The following FARS2 variants were observed in gnomAD, a reference collection of about 807,000 sequenced individuals.
FARS2 encodes the protein phenylalanine--tRNA ligase, mitochondrial.
FARS2 carries 40 observed loss-of-function variants against 46.4 expected under a neutral mutation model. That is an observed-to-expected ratio of 0.86 (90% CI 0.67 to 1.12). The LOEUF is 1.12. FARS2 is among the 50% of genes most tolerant of loss of function. The probability of loss-of-function intolerance (pLI) is 0.00; values close to 1 mark genes in which losing one functional copy is unlikely to be tolerated. For missense variants in FARS2, 513 were observed against 567.9 expected (o/e 0.90, Z 0.98); for synonymous variants, 234 against 214.9 (o/e 1.09, Z -0.78).
chr6:5,486,181 C>T (rs534728888), intron 4 of FARS2, among the ~76,000 whole-genome samples: 2 of 152,258 alleles, frequency 1.3e-5, no homozygotes, highest in Non-Finnish European at 2.9e-5. Context: ...GAAACAGATG[C>T]ATTTCTGTTA....
intron 1 of FARS2, among the ~76,000 whole-genome samples, chr6:5,300,777 C>T (rs1423546871): frequency 1.3e-5 from 2 of 151,922 alleles, no homozygotes; most frequent in Non-Finnish European, 2.9e-5. Flanking sequence ...CTCAAGCTAC[C>T]CTTCTGCCTC....
At chr6:5,753,492 A>G (rs960199068) in intron 6 of FARS2, among the ~76,000 whole-genome samples, 10 of 152,208 alleles carry the variant, frequency 6.6e-5, no homozygotes, top group African/African-American at 2.4e-4. Flanking sequence ...CCTGGAGGCT[A>G]AAGTGAATGA....
intron 6 of FARS2, among the ~76,000 whole-genome samples, chr6:5,678,882 A>C (rs1778892529): frequency 6.6e-6 from 1 of 152,234 alleles, no homozygotes; most frequent in Admixed American, 6.5e-5. Context: ...AACTTCTCTG[A>C]AAGTTCTACC....
chr6:5,494,842 A>G (rs1403994499), intron 4 of FARS2, among the ~76,000 whole-genome samples: 1 of 152,178 alleles, frequency 6.6e-6, no homozygotes, highest in African/African-American at 2.4e-5. Flanking sequence ...AGGTGTCCTA[A>G]TGGTCTAAAA....
chr6:5,527,971 G>A (rs1315679661), intron 4 of FARS2, among the ~76,000 whole-genome samples: 1 of 152,178 alleles, frequency 6.6e-6, no homozygotes, highest in East Asian at 1.9e-4. Context: ...GGGAGATGTA[G>A]GAGGTGGTAT....
rs1405389231 is a variant in FARS2 at position 5,545,236 on chromosome 6, A to G, written c.961A>G (p.Met321Val). 15 of 1,614,078 alleles carry G rather than the reference A, an allele frequency of 9.3e-6. No individual in the cohort carries two copies. The highest frequency in any genetic ancestry group is 1.3e-5 in the Non-Finnish European group (15 of 1,179,930). ...AFGLGLERLA[M>V]ILYDIPDIRL... ...TGGCCTAGGATTAGAAAGGCTAGCC[A>G]TGATCCTCTACGACATCCCTGATAT... Residue 321 changes from methionine (M) to valine (V), a missense_variant, in exon 5 of 7, where the codon ATG (methionine) becomes GTG (valine). Transcript: ENST00000274680.
chr6:5,657,963 A>T (rs1159593401), intron 6 of FARS2, among the ~76,000 whole-genome samples: 2 of 152,248 alleles, frequency 1.3e-5, no homozygotes, highest in Non-Finnish European at 2.9e-5. Context: ...TGCCTTCCTC[A>T]TAATTGTTGT....
At chr6:5,263,358 A>G in intron 1 of FARS2, among the ~76,000 whole-genome samples, 1 of 152,186 alleles carries the variant, frequency 6.6e-6, no homozygotes, top group Non-Finnish European at 1.5e-5. Context: ...GGAAAGTGAT[A>G]GGCTTCCCAG....
chr6:5,389,958 G>A (rs1375286553), intron 2 of FARS2, among the ~76,000 whole-genome samples: 1 of 152,090 alleles, frequency 6.6e-6, no homozygotes, highest in Non-Finnish European at 1.5e-5. Flanking sequence ...TCTGCCTCCT[G>A]GGTTCAAGCA....
intron 1 of FARS2, among the ~76,000 whole-genome samples, chr6:5,333,598 G>T (rs866083064): frequency 6.6e-6 from 1 of 152,130 alleles, no homozygotes. Context: ...CTACCTTGCC[G>T]GACACTGAGG....
intron 3 of FARS2, among the ~76,000 whole-genome samples, chr6:5,424,051 G>A (rs141963104): frequency 6.6e-6 from 1 of 152,152 alleles, no homozygotes. Flanking sequence ...AACAGCAAGG[G>A]CAAGGAAGGC....
chr6:5,400,438 T>A (rs1214462304), intron 2 of FARS2, among the ~76,000 whole-genome samples: 1 of 151,960 alleles, frequency 6.6e-6, no homozygotes, highest in African/African-American at 2.4e-5. Context: ...TGTGTTTGTA[T>A]GTTGTTAATG....
intron 1 of FARS2, among the ~76,000 whole-genome samples, chr6:5,283,574 G>C (rs1015986773): frequency 1.3e-4 from 20 of 151,020 alleles, no homozygotes; most frequent in South Asian, 1.2e-3. Context: ...AAATCAGAAG[G>C]CATAAATACA....
At chr6:5,583,380 C>T (rs1182513379) in intron 5 of FARS2, among the ~76,000 whole-genome samples, 4 of 152,174 alleles carry the variant, frequency 2.6e-5, no homozygotes, top group Non-Finnish European at 4.4e-5. Context: ...ATCATACATG[C>T]TTAAGTGTTC....
chr6:5,531,660 TGGGGCCAA>T (rs373777491), intron 4 of FARS2, among the ~76,000 whole-genome samples: 28 of 152,140 alleles, frequency 1.8e-4, no homozygotes, highest in African/African-American at 6.3e-4. Flanking sequence ...ACAGAGTGTT[TGGGGCCAA>T]GGATATATAC....
intron 6 of FARS2, among the ~76,000 whole-genome samples, chr6:5,659,494 C>A (rs141578621): frequency 1.3e-5 from 2 of 152,314 alleles, no homozygotes; most frequent in East Asian, 3.9e-4. Context: ...ATTGCTTGCT[C>A]CCCTGTACTG....
intron 4 of FARS2, among the ~76,000 whole-genome samples, chr6:5,531,450 G>C (rs999998801): frequency 6.6e-6 from 1 of 152,170 alleles, no homozygotes; most frequent in African/African-American, 2.4e-5. Context: ...GGAAGGAAAG[G>C]GGATGGTCCA....
chr6:5,548,611 A>G lies in FARS2; in HGVS notation c.1065+3271A>G, dbSNP rs556369373. Reference sequence around the variant, plus strand: ...TTAAAGAACACCAACATCGTGTAGAATGGTGTGCTCAACACCATGGTGTGA... The same window carrying G: ...TTAAAGAACACCAACATCGTGTAGAGTGGTGTGCTCAACACCATGGTGTGA... On this transcript the variant is annotated intron_variant, in intron 5 of 6. Transcript: ENST00000274680. Among the ~76,000 whole-genome samples the G allele has an allele frequency of 2.0e-5, 3 of 152,306 alleles. No individual in the cohort carries two copies. In the South Asian group the frequency reaches 6.2e-4, roughly 32 times the overall value.
chr6:5,722,112 T>C (rs1561820867), intron 6 of FARS2, among the ~76,000 whole-genome samples: 1 of 152,230 alleles, frequency 6.6e-6, no homozygotes, highest in Non-Finnish European at 1.5e-5. Context: ...AAGTGTGAGA[T>C]GGTAAAAAAT....
Sources: gnomAD v4.1 joint callset for allele counts (sites outside exome capture counted in the v4.1 genomes callset) on GRCh38, gnomAD v4.1.1 for gene constraint, MANE v1.5 for transcripts, NCBI Gene and HGNC (gene_info 2026-07-23, HGNC 2026-07-21) for gene names.